The following GRIPAP1 variants were observed in gnomAD, a reference collection of about 807,000 sequenced individuals.
GRIPAP1 encodes GRIP1-associated protein 1.
A neutral mutation model predicts 84.1 loss-of-function variants in GRIPAP1; 14 were observed. The ratio of observed to expected loss-of-function variants is 0.17; its 90% CI spans 0.11 to 0.26. GRIPAP1 has a LOEUF of 0.26. Among genes scored for constraint, GRIPAP1 ranks in the 10% least tolerant of loss-of-function variants. The pLI is 1.00. For missense variants in GRIPAP1, 518 were observed against 674.2 expected (o/e 0.77, Z 2.57); for synonymous variants, 261 against 256.8 (o/e 1.02, Z -0.15).
chrX:48,982,625 C>T (rs923629647), intron 17 of GRIPAP1, among the ~76,000 whole-genome samples: 13 of 112,706 alleles, frequency 1.2e-4, no homozygotes, highest in Non-Finnish European at 2.2e-4. Context: ...ATCCGCCCAC[C>T]TCGGCCTTCC....
intron 21 of GRIPAP1, among the ~76,000 whole-genome samples, chrX:48,980,346 G>C (rs1488893860): frequency 9.2e-6 from 1 of 109,266 alleles, no homozygotes. Flanking sequence ...CTATGTATAA[G>C]TCTGTCTCCG....
intron 24 of GRIPAP1, 35 bp downstream of exon 24, chrX:48,975,983 G>A (rs781841457): frequency 2.7e-6 from 3 of 1,124,222 alleles, no homozygotes; most frequent in Non-Finnish European, 3.7e-6. Flanking sequence ...GGTGAAGGCT[G>A]GACCAGGGCT....
rs1356118947 is a variant in GRIPAP1 at position 48,981,323 on chromosome X, G to A, written c.1831-9C>T. On this transcript the variant is annotated splice_polypyrimidine_tract_variant and intron_variant, in intron 20 of 25. Coordinates refer to ENST00000376423, the MANE Select transcript of GRIPAP1 (RefSeq NM_020137.5). ...CGCTTGAGGTCCTTGAGCTGTGGGG[G>A]ACAGGGGTAACATGAGGACTGAGGC... 4 of 1,206,117 alleles carry A rather than the reference G, an allele frequency of 3.3e-6. No individual in the cohort carries two copies. The highest frequency in any genetic ancestry group is 4.5e-6 in the Non-Finnish European group (4 of 891,142).
At chrX:48,985,630 A>T (rs2064482820) in intron 13 of GRIPAP1, among the ~76,000 whole-genome samples, 1 of 112,358 alleles carries the variant, frequency 8.9e-6, no homozygotes, top group African/African-American at 3.2e-5. Flanking sequence ...TGCCACGTGG[A>T]TAAACTTACA....
At chrX:48,998,248 G>A (rs1005288966) in intron 3 of GRIPAP1, 68 bp from the exon 4 acceptor site, 2 of 799,245 alleles carry the variant, frequency 2.5e-6, no homozygotes, top group African/African-American at 4.1e-5. Flanking sequence ...AGGATATGGA[G>A]ACAATTGTGC....
chrX:48,975,834 G>T, intron 24 of GRIPAP1, 184 bp downstream of exon 24: 1 of 441,731 alleles, frequency 2.3e-6, no homozygotes. Flanking sequence ...GACAGAGAAA[G>T]AGAGAAGAGG....
chrX:49,002,246 C>G lies in GRIPAP1; in HGVS notation c.-17G>C. 3 of 1,096,633 alleles carry G rather than the reference C, an allele frequency of 2.7e-6. No individual in the cohort carries two copies. The highest frequency in any genetic ancestry group is 3.2e-5 in the East Asian group (1 of 31,333). The allele number at this position is 1,096,633 out of a possible 1,213,427, so 90.4% of individuals were successfully genotyped here. On this transcript the variant is annotated 5_prime_UTR_variant, in exon 1 of 26. Transcript: ENST00000376423. ...TTGCGCCATGTTCCTCCCCCCACCC[C>G]CCCGCCAGCTTTCTGCGCAGACGCA...
chrX:48,975,065 C>G (rs1228165008), intron 25 of GRIPAP1, 90 bp downstream of exon 25: 15 of 892,396 alleles, frequency 1.7e-5, no homozygotes, highest in Non-Finnish European at 2.0e-5. Context: ...GGTGGGTGGG[C>G]AAGGGGACTG....
intron 11 of GRIPAP1, among the ~76,000 whole-genome samples, chrX:48,989,269 C>T (rs2064507910): frequency 9.0e-6 from 1 of 111,136 alleles, no homozygotes; most frequent in Non-Finnish European, 1.9e-5. Context: ...TCACCCAGCA[C>T]CCAGGGAGTT....
intron 14 of GRIPAP1, 109 bp downstream of exon 14, chrX:48,985,159 T>A: frequency 3.2e-6 from 2 of 626,533 alleles, no homozygotes; most frequent in Non-Finnish European, 5.0e-6. Context: ...GGAGCCAGAC[T>A]GGAACCTAGG....
In GRIPAP1 at chrX:48,998,138, C is replaced by A. The variant is rs2147750508; in HGVS notation, c.198+16G>T. 1 of 1,177,601 alleles carries A rather than the reference C, an allele frequency of 8.5e-7. No homozygotes were observed. Among genetic ancestry groups the A allele is most frequent in the Non-Finnish European group, 1.2e-6 (1 of 865,034 alleles). The stretch of plus-strand genomic sequence containing the variant: ...GACATCTCCCAGTCACACTCACCCA[C>A]AAGGGATCCCCTTACCTGAGCTTTC... On this transcript the variant is annotated intron_variant, in intron 4 of 25. Coordinates refer to ENST00000376423, the MANE Select transcript of GRIPAP1 (RefSeq NM_020137.5).
In GRIPAP1 at chrX:48,993,582, A is replaced by G; in HGVS notation, c.307-4T>C. On this transcript the variant is annotated splice_region_variant and splice_polypyrimidine_tract_variant and intron_variant, in intron 5 of 25. Transcript: ENST00000376423. ...GCTGTTCCATCTGGCTGCAGAGCTG[A>G]ACAGAGGAAGAGAAGGGGCAGAGAA... 1 of 1,132,259 alleles carries G rather than the reference A, an allele frequency of 8.8e-7. No individual in the cohort carries two copies. Among genetic ancestry groups the G allele is most frequent in the East Asian group, 3.4e-5 (1 of 29,849 alleles). The allele number at this position is 1,132,259 out of a possible 1,213,427, so 93.3% of individuals were successfully genotyped here. A position where few individuals can be genotyped will look rare whatever the true frequency, so the allele number is the denominator to read the frequency against.
Position 48,989,887 on chromosome X carries a change from GCA to G in GRIPAP1, c.723-7_723-6del, listed in dbSNP as rs2064510963. On this transcript the variant is annotated splice_region_variant and splice_polypyrimidine_tract_variant and intron_variant, in intron 9 of 25. Transcript: ENST00000376423. ...TCTGTCTGCAGACGGCAAAAACTGG[GCA>G]CAGAAGGACAGATGTAGATGGGTCA... The G allele has an allele frequency of 8.3e-7, 1 of 1,206,805 alleles. No homozygotes were observed.
At position 48,976,010 on chromosome X, in the gene GRIPAP1, A is replaced by T. The variant is rs782551952; in HGVS notation, c.2278+8T>A. 1 of 1,200,633 alleles carries T rather than the reference A, an allele frequency of 8.3e-7. No individual in the cohort carries two copies. The highest frequency in any genetic ancestry group is 1.1e-6 in the Non-Finnish European group (1 of 885,968). On this transcript the variant is annotated splice_region_variant and intron_variant, in intron 24 of 25. Transcript: ENST00000376423. ...ACCAGGGCTGAGGGCCGGGGAGGGG[A>T]CACTGACCGATCCGGCTGTCCATGA... is the stretch of plus-strand genomic sequence containing the variant.
intron 11 of GRIPAP1, 112 bp from the exon 12 acceptor site, chrX:48,988,310 T>G: frequency 1.9e-6 from 1 of 526,444 alleles, no homozygotes; most frequent in Non-Finnish European, 3.2e-6. Flanking sequence ...CCTGTGGGTC[T>G]CAGACTATCC....
chrX:48,997,042 C>T (rs1406339401), intron 5 of GRIPAP1, among the ~76,000 whole-genome samples: 1 of 111,312 alleles, frequency 9.0e-6, no homozygotes, highest in Non-Finnish European at 1.9e-5. Context: ...ACCAGGTGAC[C>T]TCAGGGCTCA....
At chrX:48,993,910 A>G (rs1435696857) in intron 5 of GRIPAP1, among the ~76,000 whole-genome samples, 1 of 111,480 alleles carries the variant, frequency 9.0e-6, no homozygotes, top group African/African-American at 3.3e-5. Context: ...TGCTACAGAC[A>G]GCCTCACTGC....
In GRIPAP1 at chrX:48,993,598, G is replaced by A. The variant is rs377526011; in HGVS notation, c.307-20C>T. 5 of 1,096,597 alleles carry A rather than the reference G, an allele frequency of 4.6e-6. No individual in the cohort carries two copies. The African/African-American group carries it at 7.5e-5, about 16-fold the overall frequency. 90.4% of individuals were successfully genotyped at this position (1,096,597 alleles called of 1,213,427 possible). On this transcript the variant is annotated intron_variant, in intron 5 of 25. Coordinates refer to ENST00000376423, the MANE Select transcript of GRIPAP1 (RefSeq NM_020137.5). ...GCAGAGCTGAACAGAGGAAGAGAAGGGGCAGAGAAGCAGAGAATCAGAGCA... is the reference window on the plus strand; with the variant it reads ...GCAGAGCTGAACAGAGGAAGAGAAGAGGCAGAGAAGCAGAGAATCAGAGCA...
chrX:48,998,504 T>G (rs1383640781), intron 3 of GRIPAP1, among the ~76,000 whole-genome samples: 1 of 110,873 alleles, frequency 9.0e-6, no homozygotes, highest in African/African-American at 3.3e-5. Flanking sequence ...ATGGGCTGGA[T>G]CTCCAGACTC....
Sources: gnomAD v4.1 joint callset for allele counts (sites outside exome capture counted in the v4.1 genomes callset) on GRCh38, gnomAD v4.1.1 for gene constraint, MANE v1.5 for transcripts, NCBI Gene and HGNC (gene_info 2026-07-23, HGNC 2026-07-21) for gene names.